The following ADAM17 variants were observed in gnomAD, a reference collection of about 807,000 sequenced individuals.
The protein encoded by ADAM17 is ADAM metallopeptidase domain 17.
A neutral mutation model predicts 96.7 loss-of-function variants in ADAM17; 39 were observed. That is an observed-to-expected ratio of 0.40 (90% CI 0.31 to 0.53). ADAM17 has a LOEUF of 0.53. Among genes scored for constraint, ADAM17 ranks in the 20% least tolerant of loss-of-function variants. ADAM17 has a pLI of 0.44. For missense variants in ADAM17, 777 were observed against 1,013.2 expected, an observed-to-expected ratio of 0.77 and a Z score of 3.17; for synonymous variants, 344 against 359.2, an observed-to-expected ratio of 0.96 and a Z score of 0.48.
chr2:9,492,768 CAA>C lies in ADAM17; in HGVS notation c.2082+128_2082+129del, dbSNP rs554850540. ...AGACATGTTCCCCTAGGAATAACAA[CAA>C]AAAAAGCTATTGGAAATATCAGGCC... On this transcript the variant is annotated intron_variant, in intron 17 of 18. Transcript: ENST00000310823. 592 of 678,080 alleles carry C rather than the reference CAA, an allele frequency of 8.7e-4. 2 individuals are homozygous for C. In the African/African-American group the frequency reaches 0.01, roughly 12 times the overall value. 42.0% of individuals were successfully genotyped at this position (678,080 alleles called of 1,614,324 possible). A position where few individuals can be genotyped will look rare whatever the true frequency, so the allele number is the denominator to read the frequency against.
chr2:9,541,955 G>A (rs1021046857), intron 2 of ADAM17, among the ~76,000 whole-genome samples: 1 of 152,110 alleles, frequency 6.6e-6, no homozygotes, highest in South Asian at 2.1e-4. Context: ...CACAAGAATC[G>A]CTTGAACCCA....
chr2:9,495,720 A>AAT (rs1454485207), intron 14 of ADAM17, among the ~76,000 whole-genome samples: 1 of 151,800 alleles, frequency 6.6e-6, no homozygotes, highest in South Asian at 2.1e-4. Context: ...TCAAAAAAAA[A>AAT]AAAAGAAAAC....
chr2:9,537,636 G>A (rs1007639054), intron 2 of ADAM17, among the ~76,000 whole-genome samples: 10 of 151,914 alleles, frequency 6.6e-5, no homozygotes, highest in African/African-American at 2.4e-4. Flanking sequence ...GGAGGCTGAG[G>A]CAGGAGAATG....
chr2:9,522,670 C>T (rs566025598), intron 7 of ADAM17, among the ~76,000 whole-genome samples: 3 of 152,264 alleles, frequency 2.0e-5, no homozygotes, highest in Non-Finnish European at 4.4e-5. Context: ...CAAAATGTCT[C>T]TCTGCCCAAA....
chr2:9,505,182 C>A lies in ADAM17; in HGVS notation c.1528G>T (p.Glu510Ter). The stretch of plus-strand genomic sequence containing the variant: ...ACTCCTCACCTGCACTGGACACCTT[C>A]CTTCAACGTGCAGTCGCTGTTGCAG... The part of the protein sequence containing the change: ...TCCNSDCTLK[E>*]GVQCSDRNSP... Residue 510 changes from glutamate to a stop codon, truncating the protein, a stop_gained, in exon 12 of 19, where the codon GAA becomes TAA. Coordinates refer to ENST00000310823, the MANE Select transcript of ADAM17 (RefSeq NM_003183.6). LOFTEE classifies it high-confidence loss of function. 1 of 1,614,222 alleles carries A rather than the reference C, an allele frequency of 6.2e-7. No individual in the cohort carries two copies. The highest frequency in any genetic ancestry group is 8.5e-7 in the Non-Finnish European group (1 of 1,180,042).
intron 1 of ADAM17, among the ~76,000 whole-genome samples, chr2:9,551,945 A>AT (rs1470718530): frequency 6.6e-6 from 1 of 152,218 alleles, no homozygotes; most frequent in Non-Finnish European, 1.5e-5. Context: ...CTATTCACAC[A>AT]TAAGTACTAC....
chr2:9,498,191 G>C (rs1299912334), intron 13 of ADAM17, among the ~76,000 whole-genome samples: 1 of 150,802 alleles, frequency 6.6e-6, no homozygotes, highest in Non-Finnish European at 1.5e-5. Flanking sequence ...CACCATACCT[G>C]GCTAATTTTC....
chr2:9,538,267 T>C (rs1318774118), intron 2 of ADAM17, among the ~76,000 whole-genome samples: 1 of 152,168 alleles, frequency 6.6e-6, no homozygotes, highest in Non-Finnish European at 1.5e-5. Flanking sequence ...TGTCAGCTGT[T>C]GTACTGAAAA....
At chr2:9,501,246 G>A (rs1357932954) in intron 13 of ADAM17, among the ~76,000 whole-genome samples, 2 of 152,094 alleles carry the variant, frequency 1.3e-5, no homozygotes, top group African/African-American at 2.4e-5. Flanking sequence ...TAGGACAAGG[G>A]CTGTTAAAAA....
At chr2:9,499,860 T>C (rs1057120251) in intron 13 of ADAM17, among the ~76,000 whole-genome samples, 3 of 152,268 alleles carry the variant, frequency 2.0e-5, no homozygotes, top group African/African-American at 7.2e-5. Flanking sequence ...CAGCTTTCTG[T>C]TTGCATCCTT....
rs1325577319 is a variant in ADAM17, at chr2:9,503,138, A to T, written c.1545-862T>A. ...CTGGTCAACAGGGCGAGACTCTCTC[A>T]AAAAAAAAAAAAAAGACAAGGAAAA... On this transcript the variant is annotated intron_variant, in intron 12 of 18. Transcript: ENST00000310823. Among the ~76,000 whole-genome samples the T allele has an allele frequency of 1.2e-4, 14 of 115,384 alleles. No individual in the cohort carries two copies. The East Asian group carries it at 2.5e-3, about 21-fold the overall frequency. 75.7% of individuals were successfully genotyped at this position (115,384 alleles called of 152,430 possible). A position where few individuals can be genotyped will look rare whatever the true frequency, so the allele number is the denominator to read the frequency against.
chr2:9,521,047 C>T (rs969366991), intron 8 of ADAM17, among the ~76,000 whole-genome samples, 156 bp downstream of exon 8: 1 of 149,682 alleles, frequency 6.7e-6, no homozygotes, highest in Non-Finnish European at 1.5e-5. Context: ...GTTGTCTATG[C>T]TGCTACATGG....
chr2:9,528,028 T>G lies in ADAM17; in HGVS notation c.451-74A>C, dbSNP rs373795241. The G allele has an allele frequency of 1.1e-3, 1,118 of 1,048,470 alleles. 17 individuals carry two copies. The South Asian group carries it at 0.017, about 16-fold the overall frequency. 64.9% of individuals were successfully genotyped at this position (1,048,470 alleles called of 1,614,324 possible). The stretch of plus-strand genomic sequence containing the variant: ...TAAACACTAAATTCTTCTAACATTC[T>G]TTGCTTGTTCTTAGATAACATTCAT... On this transcript the variant is annotated intron_variant, in intron 4 of 18. Coordinates refer to ENST00000310823, the MANE Select transcript of ADAM17 (RefSeq NM_003183.6).
intron 8 of ADAM17, among the ~76,000 whole-genome samples, chr2:9,518,653 A>G (rs1197154953): frequency 2.6e-5 from 4 of 152,234 alleles, no homozygotes; most frequent in Non-Finnish European, 5.9e-5. Context: ...TTGGTTTTAT[A>G]GAAATTTTAA....
chr2:9,516,123 T>A (rs1046446600), intron 10 of ADAM17, among the ~76,000 whole-genome samples: 1 of 152,250 alleles, frequency 6.6e-6, no homozygotes, highest in African/African-American at 2.4e-5. Context: ...TCTTTTCATA[T>A]GCTTCTCTGC....
At position 9,555,708 on chromosome 2, in the gene ADAM17, G is replaced by C; in HGVS notation, c.-103C>G. 1 of 1,005,600 alleles carries C rather than the reference G, an allele frequency of 9.9e-7. No individual in the cohort carries two copies. The highest frequency in any genetic ancestry group is 1.4e-6 in the Non-Finnish European group (1 of 709,552). 62.3% of individuals were successfully genotyped at this position (1,005,600 alleles called of 1,614,324 possible). On this transcript the variant is annotated 5_prime_UTR_variant, in exon 1 of 19. Coordinates refer to ENST00000310823, the MANE Select transcript of ADAM17 (RefSeq NM_003183.6). ...GGGAGGACGGGATCCGCCCGGCCTA[G>C]CCCCTCAATCCTCTTTTCCCTCCCG...
intron 10 of ADAM17, 28 bp downstream of exon 10, chr2:9,517,873 C>T (rs1331836415): frequency 3.4e-6 from 5 of 1,478,640 alleles, no homozygotes; most frequent in Middle Eastern, 2.2e-4. Context: ...AACTCTAACA[C>T]TATTCTTTTA....
At chr2:9,518,283 C>T in intron 8 of ADAM17, 36 bp from the exon 9 acceptor site, 1 of 939,422 alleles carries the variant, frequency 1.1e-6, no homozygotes, top group Admixed American at 3.0e-5. Flanking sequence ...AAAAAAAAAG[C>T]ATTCTTAGAT....
chr2:9,537,168 T>C (rs1234210246), intron 2 of ADAM17, among the ~76,000 whole-genome samples: 1 of 152,194 alleles, frequency 6.6e-6, no homozygotes, highest in Admixed American at 6.6e-5. Context: ...AAAAAATTAT[T>C]ATCAAAAACT....
Sources: allele counts gnomAD v4.1 joint callset (sites outside exome capture counted in the v4.1 genomes callset), GRCh38; gene constraint gnomAD v4.1.1; transcripts MANE v1.5; gene names NCBI Gene and HGNC (gene_info 2026-07-23, HGNC 2026-07-21).